SPMIP7: variants seen among roughly 807,000 people sequenced by gnomAD.
SPMIP7 encodes sperm microtubule inner protein 7.
At chr7:50,158,963 G>A in the SPMIP7 span, 1 of 1,408,814 alleles carries the variant, frequency 7.1e-7, no homozygotes, top group Admixed American at 2.1e-5. Context: ...CCCGCACAGG[G>A]GTATCATTAG....
the SPMIP7 span, among the ~76,000 whole-genome samples, chr7:50,097,346 AT>A: frequency 6.6e-6 from 1 of 152,224 alleles, no homozygotes; most frequent in African/African-American, 2.4e-5. Flanking sequence ...TATAGGAAGA[AT>A]ACTTTTAAAC....
At chr7:50,141,511 T>TA in the SPMIP7 span, 10 of 645,978 alleles carry the variant, frequency 1.5e-5, no homozygotes, top group Non-Finnish European at 2.2e-5. Context: ...AGAAGAAAGA[T>TA]ACCTGCTTCC....
the SPMIP7 span, chr7:50,141,727 C>CTTTTTTTTTTTTTTTTTTTTTTT: frequency 2.6e-5 from 2 of 76,856 alleles, 1 homozygote; most frequent in African/African-American, 1.0e-4. Flanking sequence ...AGAGGAATCA[C>CTTTTTTTTTTTTTTTTTTTTTTT]TTTTTTTTTT....
the SPMIP7 span, chr7:50,096,236 C>T: frequency 6.4e-7 from 1 of 1,551,756 alleles, no homozygotes; most frequent in Non-Finnish European, 8.7e-7. Flanking sequence ...TGAGAACAGA[C>T]ATAACTATGG....
chr7:50,109,370 T>A, the SPMIP7 span, among the ~76,000 whole-genome samples: 8 of 5,710 alleles, frequency 1.4e-3, no homozygotes, highest in Admixed American at 7.4e-3. Flanking sequence ...TTAATTTATT[T>A]ATTTATTTAT....
the SPMIP7 span, among the ~76,000 whole-genome samples, chr7:50,153,989 G>A: frequency 6.6e-6 from 1 of 152,144 alleles, no homozygotes; most frequent in East Asian, 1.9e-4. Context: ...ATCTCTCCAG[G>A]CCATTTGATG....
chr7:50,143,236 C>T, the SPMIP7 span, among the ~76,000 whole-genome samples: 10 of 149,204 alleles, frequency 6.7e-5, no homozygotes, highest in Non-Finnish European at 1.5e-4. Flanking sequence ...GTGATCTCGG[C>T]TCACTGCAAC....
chr7:50,155,570 C>T, the SPMIP7 span, among the ~76,000 whole-genome samples: 2 of 152,120 alleles, frequency 1.3e-5, no homozygotes, highest in East Asian at 3.9e-4. Context: ...ATCTCAGACC[C>T]CACCCTGATT....
chr7:50,116,267 C>T, the SPMIP7 span, among the ~76,000 whole-genome samples: 247 of 152,292 alleles, frequency 1.6e-3, no homozygotes, highest in Admixed American at 2.7e-3. Flanking sequence ...AGGCATGCAC[C>T]ACCATGCCCA....
the SPMIP7 span, among the ~76,000 whole-genome samples, chr7:50,132,299 T>A: frequency 6.6e-6 from 1 of 152,170 alleles, no homozygotes; most frequent in South Asian, 2.1e-4. Context: ...TGAAGGATGA[T>A]AACCAAATGG....
At chr7:50,158,068 C>T in the SPMIP7 span, among the ~76,000 whole-genome samples, 1 of 152,204 alleles carries the variant, frequency 6.6e-6, no homozygotes, top group South Asian at 2.1e-4. Context: ...CTTGTTCACC[C>T]TCCCCCAGCA....
chr7:50,101,731 A>T, the SPMIP7 span, among the ~76,000 whole-genome samples: 1 of 152,142 alleles, frequency 6.6e-6, no homozygotes, highest in Non-Finnish European at 1.5e-5. Context: ...GATACCACAA[A>T]ATGCCATCCT....
the SPMIP7 span, chr7:50,104,193 A>C: frequency 2.3e-6 from 1 of 433,456 alleles, no homozygotes; most frequent in African/African-American, 2.0e-5. Flanking sequence ...GTTATTAAAT[A>C]ATCCATTAAA....
the SPMIP7 span, among the ~76,000 whole-genome samples, chr7:50,122,428 A>G: frequency 6.6e-6 from 1 of 150,726 alleles, no homozygotes; most frequent in Non-Finnish European, 1.5e-5. Context: ...AGATGGATTA[A>G]AGACTTAAAC....
At chr7:50,119,056 C>T in the SPMIP7 span, among the ~76,000 whole-genome samples, 15 of 152,144 alleles carry the variant, frequency 9.9e-5, no homozygotes, top group African/African-American at 3.1e-4. Flanking sequence ...CTGAGAACAA[C>T]CAGACCTTTC....
the SPMIP7 span, chr7:50,135,996 CAT>C: frequency 2.5e-6 from 2 of 803,840 alleles, no homozygotes; most frequent in Non-Finnish European, 4.2e-6. Context: ...GAGCCTGGGG[CAT>C]AGCTATGACG....
chr7:50,140,311 TG>T, the SPMIP7 span: 1 of 504,026 alleles, frequency 2.0e-6, no homozygotes, highest in Non-Finnish European at 3.4e-6. Flanking sequence ...CTAATGTTTG[TG>T]TGGCACACAG....
the SPMIP7 span, among the ~76,000 whole-genome samples, chr7:50,125,692 C>T: frequency 0.52 from 78,404 of 150,518 alleles, 21,371 homozygotes; most frequent in East Asian, 0.73. Context: ...ATGGATGAAC[C>T]TGAAGGACAT....
At chr7:50,148,332 T>C in the SPMIP7 span, among the ~76,000 whole-genome samples, 1 of 152,222 alleles carries the variant, frequency 6.6e-6, no homozygotes, top group Non-Finnish European at 1.5e-5. Flanking sequence ...CAATGTAACA[T>C]ATGATACCAT....
Sources: allele counts gnomAD v4.1 joint callset (sites outside exome capture counted in the v4.1 genomes callset), GRCh38; gene constraint gnomAD v4.1.1; transcripts MANE v1.5; gene names NCBI Gene and HGNC (gene_info 2026-07-23, HGNC 2026-07-21).